PRKG1: variants seen among roughly 807,000 people sequenced by gnomAD.
PRKG1 encodes cGMP-dependent protein kinase 1.
A neutral mutation model predicts 88.1 loss-of-function variants in PRKG1; 35 were observed. The observed-to-expected ratio is 0.40, with a 90% CI of 0.30 to 0.53. The LOEUF is 0.53. Among genes scored for constraint, PRKG1 ranks in the 20% least tolerant of loss-of-function variants. The pLI is 0.59. For synonymous variants in PRKG1, 303 were observed against 292.5 expected, an observed-to-expected ratio of 1.04 and a Z score of -0.37; for missense variants, 540 against 839.8, an observed-to-expected ratio of 0.64 and a Z score of 4.41.
intron 9 of PRKG1, among the ~76,000 whole-genome samples, chr10:52,206,429 G>T (rs1839821408): frequency 6.6e-6 from 1 of 152,112 alleles, no homozygotes; most frequent in African/African-American, 2.4e-5. Context: ...ATTTTAGCCT[G>T]GTTAAGAACC....
At chr10:51,208,171 C>T (rs368558693) in intron 2 of PRKG1, among the ~76,000 whole-genome samples, 2 of 152,122 alleles carry the variant, frequency 1.3e-5, no homozygotes, top group African/African-American at 4.8e-5. Context: ...AGTCTTTGTC[C>T]ATTAAAACTC....
intron 2 of PRKG1, among the ~76,000 whole-genome samples, chr10:51,367,949 A>T (rs1208748921): frequency 6.6e-6 from 1 of 151,842 alleles, no homozygotes; most frequent in East Asian, 1.9e-4. Context: ...CAGTCTACAA[A>T]CTGTTTTACA....
At chr10:51,153,761 G>T (rs1369322891) in intron 2 of PRKG1, among the ~76,000 whole-genome samples, 1 of 151,880 alleles carries the variant, frequency 6.6e-6, no homozygotes, top group Admixed American at 6.6e-5. Context: ...TCTGTAAAAA[G>T]AAAATGTTTT....
chr10:51,963,608 C>T (rs563498381), intron 5 of PRKG1, among the ~76,000 whole-genome samples: 19 of 151,952 alleles, frequency 1.3e-4, no homozygotes, highest in Admixed American at 4.6e-4. Flanking sequence ...CCACCATGCC[C>T]GGCTAATTTT....
At chr10:51,631,001 G>T (rs1178798131) in intron 3 of PRKG1, among the ~76,000 whole-genome samples, 3 of 152,152 alleles carry the variant, frequency 2.0e-5, no homozygotes, top group African/African-American at 7.2e-5. Flanking sequence ...CAGCATGCTT[G>T]GTCTCCATGT....
rs199857283 is a variant in PRKG1 at position 51,759,275 on chromosome 10, G to GT, written c.593-45301dup. Among the ~76,000 whole-genome samples, 593 of 150,480 alleles carry GT rather than the reference G, an allele frequency of 3.9e-3. 6 individuals are homozygous for GT. Among genetic ancestry groups the GT allele is most frequent in the Middle Eastern group, 0.024 (7 of 292 alleles). ...TAGGTCTTTGAGGATCTTTTCTTTT[G>GT]TTTTTTTTTGAGACGGAGTCTTGCT... On this transcript the variant is annotated intron_variant, in intron 3 of 17. Coordinates refer to ENST00000373980, the MANE Select transcript of PRKG1 (RefSeq NM_006258.4).
intron 5 of PRKG1, among the ~76,000 whole-genome samples, chr10:51,987,464 T>C (rs1294850856): frequency 6.6e-6 from 1 of 151,382 alleles, no homozygotes; most frequent in Non-Finnish European, 1.5e-5. Flanking sequence ...ATTACTTTTT[T>C]TTTTTTTTTT....
chr10:51,682,981 C>A (rs970244605), intron 3 of PRKG1, among the ~76,000 whole-genome samples: 18 of 152,316 alleles, frequency 1.2e-4, no homozygotes, highest in Non-Finnish European at 2.5e-4. Flanking sequence ...GTTATTAAGT[C>A]ATAAAATAAA....
chr10:51,882,244 C>T (rs575395182), intron 4 of PRKG1, among the ~76,000 whole-genome samples: 14 of 152,288 alleles, frequency 9.2e-5, no homozygotes, highest in African/African-American at 3.4e-4. Flanking sequence ...AAAGTCCCCC[C>T]AGACAAATGG....
At chr10:52,052,208 C>T (rs559173416) in intron 5 of PRKG1, among the ~76,000 whole-genome samples, 7 of 152,048 alleles carry the variant, frequency 4.6e-5, no homozygotes, top group African/African-American at 1.7e-4. Flanking sequence ...GTGGATGGAG[C>T]TATTATGAGA....
intron 1 of PRKG1, among the ~76,000 whole-genome samples, chr10:51,108,526 C>T (rs1844902608): frequency 6.6e-6 from 1 of 152,092 alleles, no homozygotes; most frequent in Admixed American, 6.6e-5. Context: ...AAATCAAAAA[C>T]ACTATATGAT....
chr10:51,711,407 C>T (rs559167509), intron 3 of PRKG1, among the ~76,000 whole-genome samples: 133 of 152,180 alleles, frequency 8.7e-4, no homozygotes, highest in African/African-American at 3.1e-3. Flanking sequence ...CCTGGCCTGA[C>T]CTTTCTTTTT....
chr10:51,541,302 A>T (rs529967865), intron 3 of PRKG1, among the ~76,000 whole-genome samples: 1 of 152,314 alleles, frequency 6.6e-6, no homozygotes, highest in South Asian at 2.1e-4. Flanking sequence ...TCAGGTGTTA[A>T]CGCTCACTCA....
intron 3 of PRKG1, among the ~76,000 whole-genome samples, chr10:51,711,669 T>G (rs2132433846): frequency 6.6e-6 from 1 of 152,356 alleles, no homozygotes; most frequent in Non-Finnish European, 1.5e-5. Flanking sequence ...GCATTTTTTG[T>G]CTACTTCCTT....
intron 3 of PRKG1, among the ~76,000 whole-genome samples, chr10:51,638,790 C>A (rs547979474): frequency 6.6e-6 from 1 of 152,230 alleles, no homozygotes; most frequent in Non-Finnish European, 1.5e-5. Context: ...ACATTGAAAC[C>A]ATTATTTCCC....
chr10:51,377,912 T>C (rs568049547), intron 2 of PRKG1, among the ~76,000 whole-genome samples: 48 of 152,324 alleles, frequency 3.2e-4, no homozygotes, highest in African/African-American at 1.1e-3. Context: ...GCTCCTGGCC[T>C]CTGAAGGTTG....
chr10:51,124,267 G>A (rs1845340390), intron 1 of PRKG1, among the ~76,000 whole-genome samples: 1 of 152,040 alleles, frequency 6.6e-6, no homozygotes, highest in African/African-American at 2.4e-5. Context: ...TCAGCACACT[G>A]TCCTTTGGAT....
At chr10:51,231,159 C>T (rs1166624024) in intron 2 of PRKG1, among the ~76,000 whole-genome samples, 1 of 152,152 alleles carries the variant, frequency 6.6e-6, no homozygotes, top group Non-Finnish European at 1.5e-5. Context: ...TAGATTACAG[C>T]AAACATGTTT....
intron 3 of PRKG1, among the ~76,000 whole-genome samples, chr10:51,593,514 T>C (rs541106552): frequency 2.0e-5 from 3 of 152,246 alleles, no homozygotes; most frequent in African/African-American, 4.8e-5. Context: ...AAACTGCTGA[T>C]TGAATAGATT....
Sources: gnomAD v4.1 joint callset for allele counts (sites outside exome capture counted in the v4.1 genomes callset) on GRCh38, gnomAD v4.1.1 for gene constraint, MANE v1.5 for transcripts, NCBI Gene and HGNC (gene_info 2026-07-23, HGNC 2026-07-21) for gene names.